ASAP3: variants seen among roughly 807,000 people sequenced by gnomAD.
The protein encoded by ASAP3 is arf-GAP with SH3 domain, ANK repeat and PH domain-containing protein 3.
Under a neutral mutation model 118.2 loss-of-function variants are expected in ASAP3, and 85 were observed. That is an observed-to-expected ratio of 0.72 (90% CI 0.60 to 0.86). ASAP3 has a LOEUF of 0.86. ASAP3 is among the 40% of genes least tolerant of loss of function. The pLI is 0.00. For synonymous variants in ASAP3, 432 were observed against 477.4 expected (o/e 0.90, Z 1.24); for missense variants, 1,026 against 1,175.0 (o/e 0.87, Z 1.85).
Position 23,438,297 on chromosome 1 carries a change from C to T in ASAP3, c.1102+450G>A, listed in dbSNP as rs1422746583. 6.6e-6 allele frequency among the ~76,000 whole-genome samples: 1 copy of T among 152,192 alleles called. No individual in the cohort carries two copies. The highest frequency in any genetic ancestry group is 1.5e-5 in the Non-Finnish European group (1 of 68,042). On this transcript the variant is annotated intron_variant, in intron 12 of 24. Transcript: ENST00000336689. This position sits in a 1 kb window ranked among gnomAD's most constrained non-coding sequence, Gnocchi z 4.9. ...ATCTTACAGTCCTGGGTACCCACCC[C>T]ACACCCCTGCCAGAGAGTTTCCTGA...
intron 4 of ASAP3, 52 bp from the exon 5 acceptor site, chr1:23,451,580 T>G: frequency 1.3e-6 from 2 of 1,579,046 alleles, no homozygotes; most frequent in African/African-American, 1.3e-5. Context: ...AGCACTGGAA[T>G]AAACAGTATG....
intron 1 of ASAP3, among the ~76,000 whole-genome samples, chr1:23,473,577 G>A (rs1245082055): frequency 6.6e-6 from 1 of 152,220 alleles, no homozygotes; most frequent in East Asian, 1.9e-4. Flanking sequence ...TTCAGGGAAA[G>A]CATGTTCCTT....
At chr1:23,445,493 C>CA (rs61013896) in intron 5 of ASAP3, among the ~76,000 whole-genome samples, 1,633 of 137,672 alleles carry the variant, frequency 0.012, 26 homozygotes, top group African/African-American at 0.038. Flanking sequence ...CCTGTCTCTC[C>CA]AAAAAAAAAA....
intron 5 of ASAP3, among the ~76,000 whole-genome samples, chr1:23,449,242 T>C (rs1177285524): frequency 2.0e-5 from 3 of 152,190 alleles, no homozygotes; most frequent in Non-Finnish European, 2.9e-5. Context: ...CAATAAATAC[T>C]TGCTGAACTG....
At chr1:23,453,648 C>A (rs1168345056) in intron 3 of ASAP3, among the ~76,000 whole-genome samples, 1 of 152,098 alleles carries the variant, frequency 6.6e-6, no homozygotes, top group African/African-American at 2.4e-5. Context: ...CCTAAAGAGG[C>A]CTAATATTTC....
In ASAP3 at chr1:23,452,198, G is replaced by A. The variant is rs138895097; in HGVS notation, c.423+499C>T. 2.0e-3 allele frequency among the ~76,000 whole-genome samples: 298 copies of A among 152,292 alleles called. 1 individual carries two copies. Among genetic ancestry groups the A allele is most frequent in the Middle Eastern group, 6.8e-3 (2 of 294 alleles). ...CCTAGGGCAGGGAGGGAACCCTCTTGGGGGAGCACGGCTCCTCCCCTGGGC... is the reference window on the plus strand; with the variant it reads ...CCTAGGGCAGGGAGGGAACCCTCTTAGGGGAGCACGGCTCCTCCCCTGGGC... On this transcript the variant is annotated intron_variant, in intron 4 of 24. Transcript: ENST00000336689.
In ASAP3 at chr1:23,463,657, A is replaced by G. The variant is rs534420569; in HGVS notation, c.130-7463T>C. The stretch of plus-strand genomic sequence containing the variant: ...CGCCCTGTTGCCCAGCCTGGAGTGC[A>G]ATGGCACAATCTCGGCTCACTGCAA... On this transcript the variant is annotated intron_variant, in intron 1 of 24. Coordinates refer to ENST00000336689, the MANE Select transcript of ASAP3 (RefSeq NM_017707.4). 9.9e-5 allele frequency among the ~76,000 whole-genome samples: 15 copies of G among 152,228 alleles called. No homozygotes were observed. The East Asian group carries it at 1.9e-3, about 20-fold the overall frequency.
chr1:23,482,386 G>A (rs1421467428), intron 1 of ASAP3, among the ~76,000 whole-genome samples: 4 of 152,114 alleles, frequency 2.6e-5, no homozygotes, highest in Non-Finnish European at 5.9e-5. Context: ...GCCGGGTGTG[G>A]TGGAGCATGC....
chr1:23,439,255 C>A, intron 10 of ASAP3, 25 bp from the exon 11 acceptor site: 2 of 1,612,100 alleles, frequency 1.2e-6, no homozygotes, highest in East Asian at 4.5e-5. Context: ...GATAGAAGGA[C>A]AGTGACCCAA....
Position 23,484,113 on chromosome 1 carries a change from G to A in ASAP3, c.21C>T (p.Val7=), listed in dbSNP as rs1642413518. MPEQFS[V]AEFLAVTAED... ...CCGCGGTGACGGCCAGGAACTCGGC[G>A]ACGCTGAACTGCTCCGGCATGGCGG... Residue 7 remains valine, a synonymous_variant, in exon 1 of 25, where the codon GTC becomes GTT. Coordinates refer to ENST00000336689, the MANE Select transcript of ASAP3 (RefSeq NM_017707.4). 8 of 1,320,470 alleles carry A rather than the reference G, an allele frequency of 6.1e-6. No homozygotes were observed. The highest frequency in any genetic ancestry group is 6.7e-6 in the Non-Finnish European group (7 of 1,039,274). The allele number at this position is 1,320,470 out of a possible 1,614,324, so 81.8% of individuals were successfully genotyped here.
Position 23,437,680 on chromosome 1 carries a change from C to A in ASAP3, c.1103-208G>T, listed in dbSNP as rs1640728059. ...ACTGGCCTCCGAAGTAGGATCCCAA[C>A]AAAGCTCCCTCTGCGTGAAGCCCTG... On this transcript the variant is annotated intron_variant, in intron 12 of 24. Coordinates refer to ENST00000336689, the MANE Select transcript of ASAP3 (RefSeq NM_017707.4). The surrounding 1 kb of genome is among the most constrained non-coding windows in gnomAD (Gnocchi z 6.1). Among the ~76,000 whole-genome samples, 1 of 152,176 alleles carries A rather than the reference C, an allele frequency of 6.6e-6. No individual in the cohort carries two copies. The highest frequency in any genetic ancestry group is 2.4e-5 in the African/African-American group (1 of 41,450).
At chr1:23,433,592 G>A (rs1215268855) in intron 20 of ASAP3, 34 bp downstream of exon 20, 1 of 1,614,214 alleles carries the variant, frequency 6.2e-7, no homozygotes, top group Non-Finnish European at 8.5e-7. Context: ...GAGAGAGAAA[G>A]AGTCAGGGGC....
In ASAP3 at chr1:23,476,950, G is replaced by A. The variant is rs185854230; in HGVS notation, c.129+7055C>T. On this transcript the variant is annotated intron_variant, in intron 1 of 24. Coordinates refer to ENST00000336689, the MANE Select transcript of ASAP3 (RefSeq NM_017707.4). ...CTATGGTTCTATGGTAAATACTAGGGACACAACAGTGAGATTAGTTTCTAT... is the reference window on the plus strand; with the variant it reads ...CTATGGTTCTATGGTAAATACTAGGAACACAACAGTGAGATTAGTTTCTAT... 5.8e-3 allele frequency among the ~76,000 whole-genome samples: 874 copies of A among 151,928 alleles called. 13 individuals carry two copies. Among genetic ancestry groups the A allele is most frequent in the African/African-American group, 0.019 (787 of 41,460 alleles).
intron 1 of ASAP3, among the ~76,000 whole-genome samples, chr1:23,462,054 C>G (rs1356892156): frequency 1.3e-5 from 2 of 150,824 alleles, no homozygotes; most frequent in Non-Finnish European, 3.0e-5. Context: ...GATGGAGTCT[C>G]GCTTTGTAGC....
intron 17 of ASAP3, among the ~76,000 whole-genome samples, chr1:23,435,348 C>T (rs966007027): frequency 1.3e-5 from 2 of 152,178 alleles, no homozygotes; most frequent in Non-Finnish European, 2.9e-5. Flanking sequence ...TTTTTGATGT[C>T]GAATCAGTCA....
intron 1 of ASAP3, among the ~76,000 whole-genome samples, chr1:23,457,939 G>A (rs2148640163): frequency 6.6e-6 from 1 of 152,342 alleles, no homozygotes; most frequent in Non-Finnish European, 1.5e-5. Flanking sequence ...ATTTAGCTTG[G>A]TGCTAGGCAT....
rs1394396097 is a variant in ASAP3 at position 23,438,364 on chromosome 1, A to G, written c.1102+383T>C. On this transcript the variant is annotated intron_variant, in intron 12 of 24. Transcript: ENST00000336689. This position sits in a 1 kb window ranked among gnomAD's most constrained non-coding sequence, Gnocchi z 4.9. ...TTTCTCAGCCTGTGTCTGCTCTCAC[A>G]CAAAGCCTGCACCAAAGGCTCTGAA... 1.3e-5 allele frequency among the ~76,000 whole-genome samples: 2 copies of G among 152,180 alleles called. No individual in the cohort carries two copies. The highest frequency in any genetic ancestry group is 2.9e-5 in the Non-Finnish European group (2 of 68,026).
At chr1:23,461,615 C>A (rs528878712) in intron 1 of ASAP3, among the ~76,000 whole-genome samples, 11 of 151,398 alleles carry the variant, frequency 7.3e-5, no homozygotes, top group Non-Finnish European at 1.3e-4. Context: ...GAGCTGTGAT[C>A]GTGCCACTGC....
intron 1 of ASAP3, among the ~76,000 whole-genome samples, chr1:23,460,438 C>G (rs534040734): frequency 3.2e-4 from 45 of 141,038 alleles, no homozygotes; most frequent in Non-Finnish European, 5.0e-4. Context: ...ACCTAGGAGG[C>G]GGAGGTTGCA....
Sources: gnomAD v4.1 joint callset for allele counts (sites outside exome capture counted in the v4.1 genomes callset) on GRCh38, gnomAD v4.1.1 for gene constraint, Gnocchi (gnomAD v3.1) non-coding constraint, MANE v1.5 for transcripts, NCBI Gene and HGNC (gene_info 2026-07-23, HGNC 2026-07-21) for gene names.